Variants in HCK observed in about 807,000 individuals in gnomAD.
HCK encodes tyrosine-protein kinase HCK.
A neutral mutation model predicts 70.4 loss-of-function variants in HCK; 40 were observed. The observed-to-expected ratio is 0.57, with a 90% CI of 0.44 to 0.74. The LOEUF (loss-of-function observed/expected upper bound fraction) is 0.74. Among genes scored for constraint, HCK ranks in the 30% least tolerant of loss-of-function variants. HCK has a pLI of 0.00. For missense variants in HCK, 568 were observed against 697.2 expected, an observed-to-expected ratio of 0.81 and a Z score of 2.09; for synonymous variants, 245 against 263.2, an observed-to-expected ratio of 0.93 and a Z score of 0.67.
At chr20:32,093,610 A>G (rs2045894305) in intron 10 of HCK, among the ~76,000 whole-genome samples, 1 of 152,070 alleles carries the variant, frequency 6.6e-6, no homozygotes, top group Non-Finnish European at 1.5e-5. Context: ...GAACATTTCA[A>G]AGTGCTCTCT....
intron 9 of HCK, among the ~76,000 whole-genome samples, chr20:32,087,348 G>C (rs1348358230): frequency 6.6e-6 from 1 of 152,064 alleles, no homozygotes; most frequent in Non-Finnish European, 1.5e-5. Flanking sequence ...CTGTTACTCA[G>C]GCTGGAGTGC....
Position 32,073,300 on chromosome 20 carries a change from T to C in HCK, c.184-19T>C. 6.2e-7 allele frequency: 1 copy of C among 1,608,364 alleles called. No individual in the cohort carries two copies. The highest frequency in any genetic ancestry group is 1.1e-5 in the South Asian group (1 of 90,620). On this transcript the variant is annotated intron_variant, in intron 2 of 12. Transcript: ENST00000375852. ...CACATTGGTCAGATTCATTCTCTTC[T>C]CTCATTTCTTCCCCACAGGGGCCTA...
At chr20:32,097,680 GA>G (rs2045975194) in intron 11 of HCK, among the ~76,000 whole-genome samples, 1 of 152,040 alleles carries the variant, frequency 6.6e-6, no homozygotes, top group Non-Finnish European at 1.5e-5. Context: ...AGGAAATCAA[GA>G]AAAGTCTGTA....
chr20:32,058,605 A>AACACACAC (rs60349531), intron 1 of HCK, among the ~76,000 whole-genome samples: 11,979 of 142,266 alleles, frequency 0.084, 551 homozygotes, highest in Admixed American at 0.11. Context: ...TTTATGTCAA[A>AACACACAC]ACACACACAC....
chr20:32,077,748 A>C (rs1347091884), intron 5 of HCK, among the ~76,000 whole-genome samples: 1 of 151,836 alleles, frequency 6.6e-6, no homozygotes, highest in African/African-American at 2.4e-5. Context: ...CTGGTCTCGA[A>C]CTCCTGAACT....
chr20:32,059,302 T>C (rs2045327864), intron 1 of HCK, among the ~76,000 whole-genome samples: 1 of 151,302 alleles, frequency 6.6e-6, no homozygotes, highest in African/African-American at 2.4e-5. Flanking sequence ...CTTCCCTCCC[T>C]CCCTCCTTTC....
At chr20:32,094,068 T>C (rs1569008433) in intron 11 of HCK, 52 bp downstream of exon 11, 2 of 1,547,842 alleles carry the variant, frequency 1.3e-6, no homozygotes, top group Non-Finnish European at 1.8e-6. Context: ...TGCTTGTGAG[T>C]GTTGAGAGTT....
intron 2 of HCK, 42 bp from the exon 3 acceptor site, chr20:32,073,277 C>T: frequency 6.4e-7 from 1 of 1,564,918 alleles, no homozygotes; most frequent in Non-Finnish European, 8.8e-7. Flanking sequence ...GGTCCCCACA[C>T]ATTGGTCAGA....
intron 11 of HCK, among the ~76,000 whole-genome samples, chr20:32,095,420 T>C (rs2045941386): frequency 6.6e-6 from 1 of 152,300 alleles, no homozygotes; most frequent in Admixed American, 6.5e-5. Context: ...CATACCCAGC[T>C]AATTTTTGTA....
chr20:32,061,935 C>CTTT (rs2045383764), intron 1 of HCK, among the ~76,000 whole-genome samples: 1 of 146,098 alleles, frequency 6.8e-6, no homozygotes, highest in African/African-American at 2.6e-5. Flanking sequence ...ATCTGACTTA[C>CTTT]CTTTTTTTTT....
In HCK at chr20:32,099,055, C is replaced by T. The variant is rs202169601; in HGVS notation, c.1298C>T (p.Ser433Phe). 93 of 1,614,160 alleles carry T rather than the reference C, an allele frequency of 5.8e-5. No individual in the cohort carries two copies. In the East Asian group the frequency reaches 2.0e-3, roughly 34 times the overall value. ...GCTCCTGAAGCCATCAACTTTGGCTCCTTCACCATCAAGTCAGACGTCTGG... is the reference window on the plus strand; with the variant it reads ...GCTCCTGAAGCCATCAACTTTGGCTTCTTCACCATCAAGTCAGACGTCTGG... Residue 433 changes from serine (S) to phenylalanine (F), a missense_variant, in exon 12 of 13, where the codon TCC becomes TTC. This residue lies in a region of HCK where 160 missense variants were observed against 237.5 expected (regional missense o/e 0.67). Coordinates refer to ENST00000375852, the MANE Select transcript of HCK (RefSeq NM_002110.5).
chr20:32,067,678 A>G (rs1382317501), intron 1 of HCK, among the ~76,000 whole-genome samples: 2 of 151,830 alleles, frequency 1.3e-5, no homozygotes, highest in Non-Finnish European at 2.9e-5. Flanking sequence ...TGGGCTAAGC[A>G]CTGAGGAACG....
At chr20:32,092,185 G>A (rs767031405) in intron 10 of HCK, among the ~76,000 whole-genome samples, 1 of 152,088 alleles carries the variant, frequency 6.6e-6, no homozygotes. Flanking sequence ...GCACCCAGCT[G>A]CAGTCTGCCG....
Position 32,058,484 on chromosome 20 carries a change from T to G in HCK, c.62+5998T>G, listed in dbSNP as rs868217390. On this transcript the variant is annotated intron_variant, in intron 1 of 12. Transcript: ENST00000375852. ...GAGGCACGGTTGCAGTGAGCCAAGG[T>G]CTTGCCACTGCACTCCAGCCTGGGC... Among the ~76,000 whole-genome samples the G allele has an allele frequency of 4.7e-5, 7 of 147,534 alleles. No individual in the cohort carries two copies. In the South Asian group the frequency reaches 6.4e-4, roughly 13 times the overall value.
intron 10 of HCK, among the ~76,000 whole-genome samples, chr20:32,092,374 T>C (rs1018735064): frequency 6.6e-6 from 1 of 152,216 alleles, no homozygotes; most frequent in African/African-American, 2.4e-5. Flanking sequence ...GCCCAGTTTG[T>C]AAACCAAAAG....
chr20:32,054,213 C>A (rs963674087), intron 1 of HCK: 3 of 456,354 alleles, frequency 6.6e-6, no homozygotes, highest in African/African-American at 6.0e-5. Flanking sequence ...TCTCCCTCCC[C>A]AGGGGCAACC....
rs73906735 is a variant in HCK at position 32,089,134 on chromosome 20, A to G, written c.1092+490A>G. The stretch of plus-strand genomic sequence containing the variant: ...CTGGGTTCCAAGACAGAGCTGGACC[A>G]GGGGCCAAGCCTTCATGAGCAGGCT... On this transcript the variant is annotated intron_variant, in intron 10 of 12. Transcript: ENST00000375852. Among the ~76,000 whole-genome samples the G allele has an allele frequency of 2.2e-3, 333 of 152,356 alleles. 2 individuals carry two copies. The highest frequency in any genetic ancestry group is 7.3e-3 in the African/African-American group (302 of 41,588).
chr20:32,054,246 C>A, intron 1 of HCK: 1 of 456,408 alleles, frequency 2.2e-6, no homozygotes. Context: ...TACAGTCCTT[C>A]CAGGATGTGC....
In HCK at chr20:32,052,332, G is replaced by C; in HGVS notation, c.-93G>C. On this transcript the variant is annotated 5_prime_UTR_variant, in exon 1 of 13. Transcript: ENST00000375852. Reference sequence around the variant, plus strand: ...ACAGTGCAGGACGAGAAACGCCCGCGGCACCAAAGCCCCTCAGAGCGTCGC... The same window carrying C: ...ACAGTGCAGGACGAGAAACGCCCGCCGCACCAAAGCCCCTCAGAGCGTCGC... 1 of 898,804 alleles carries C rather than the reference G, an allele frequency of 1.1e-6. No homozygotes were observed. The highest frequency in any genetic ancestry group is 1.5e-6 in the Non-Finnish European group (1 of 664,178). The allele number at this position is 898,804 out of a possible 1,614,324, so 55.7% of individuals were successfully genotyped here.
Sources: gnomAD v4.1 joint callset for allele counts (sites outside exome capture counted in the v4.1 genomes callset) on GRCh38, gnomAD v4.1.1 for gene constraint, gnomAD v4.1.1 regional missense constraint, MANE v1.5 for transcripts, NCBI Gene and HGNC (gene_info 2026-07-23, HGNC 2026-07-21) for gene names.